The following AMPD3 variants were observed in gnomAD, a reference collection of about 807,000 sequenced individuals.
The protein encoded by AMPD3 is adenosine monophosphate deaminase 3.
AMPD3 carries 57 observed loss-of-function variants against 82.3 expected under a neutral mutation model. That is an observed-to-expected ratio of 0.69 (90% confidence interval 0.56 to 0.86). The LOEUF (loss-of-function observed/expected upper bound fraction) is 0.86. AMPD3 is among the 40% of genes least tolerant of loss of function. AMPD3 has a pLI of 0.00. For synonymous variants in AMPD3, 381 were observed against 394.7 expected, an observed-to-expected ratio of 0.97 and a Z score of 0.41; for missense variants, 870 against 1,003.8, an observed-to-expected ratio of 0.87 and a Z score of 1.80.
intron 2 of AMPD3, among the ~76,000 whole-genome samples, chr11:10,470,053 A>AG (rs1848543935): frequency 6.6e-6 from 1 of 151,960 alleles, no homozygotes; most frequent in Non-Finnish European, 1.5e-5. Context: ...AAAAAAAAAA[A>AG]AAAAGTCCTC....
At chr11:10,458,527 C>A (rs549919580) in intron 1 of AMPD3, among the ~76,000 whole-genome samples, 3 of 152,074 alleles carry the variant, frequency 2.0e-5, no homozygotes, top group Non-Finnish European at 2.9e-5. Context: ...ATTTTGACTG[C>A]GTGAATCTCT....
At chr11:10,469,349 C>T (rs530080934) in intron 2 of AMPD3, among the ~76,000 whole-genome samples, 5 of 152,228 alleles carry the variant, frequency 3.3e-5, no homozygotes, top group South Asian at 4.1e-4. Flanking sequence ...AGACTACCAT[C>T]GGAGAATACT....
chr11:10,455,980 A>C (rs1055418940), intron 1 of AMPD3: 2 of 985,224 alleles, frequency 2.0e-6, no homozygotes, highest in East Asian at 2.3e-4. Flanking sequence ...TGGGCGTTAG[A>C]GGGAGGCTGT....
In AMPD3 at chr11:10,456,062, C is replaced by G; in HGVS notation, c.-6+614C>G. On this transcript the variant is annotated intron_variant, in intron 1 of 14. Transcript: ENST00000396553. The surrounding 1 kb of genome is among the most constrained non-coding windows in gnomAD (Gnocchi z 4.3). ...AAGAGGAAGCCGCCGCTTTAGTTTCCTCTTGTGAGGGCTGTGAAGAGGGCC... is the reference window on the plus strand; with the variant it reads ...AAGAGGAAGCCGCCGCTTTAGTTTCGTCTTGTGAGGGCTGTGAAGAGGGCC... 1 of 1,084,414 alleles carries G rather than the reference C, an allele frequency of 9.2e-7. No individual in the cohort carries two copies. Among genetic ancestry groups the G allele is most frequent in the Non-Finnish European group, 1.1e-6 (1 of 892,754 alleles). The allele number at this position is 1,084,414 out of a possible 1,614,324, so 67.2% of individuals were successfully genotyped here.
intron 3 of AMPD3, 21 bp from the exon 4 acceptor site, chr11:10,482,042 C>G: frequency 6.2e-7 from 1 of 1,614,176 alleles, no homozygotes. Flanking sequence ...GAACCCTTTC[C>G]TGCCTGCCTC....
intron 11 of AMPD3, 50 bp downstream of exon 11, chr11:10,500,299 G>GCACGCATGCA: frequency 6.3e-7 from 1 of 1,574,912 alleles, no homozygotes. Context: ...GTTAGTACAT[G>GCACGCATGCA]CACGCATGCA....
rs961581096 is a variant in AMPD3 at position 10,461,800 on chromosome 11, G to A, written c.221+60G>A. The A allele has an allele frequency of 2.0e-6, 3 of 1,519,096 alleles. No individual in the cohort carries two copies. The Admixed American group carries it at 5.9e-5, about 30-fold the overall frequency. 94.1% of individuals were successfully genotyped at this position (1,519,096 alleles called of 1,614,324 possible). A position where few individuals can be genotyped will look rare whatever the true frequency, so the allele number is the denominator to read the frequency against. On this transcript the variant is annotated intron_variant, in intron 2 of 14. Transcript: ENST00000396553. ...AGTCATGCAGACCCAGGCAGGCTGT[G>A]GGTGTGTGTCCTGATATGAGGCACC...
At chr11:10,477,076 A>C in intron 2 of AMPD3, 2 of 985,476 alleles carry the variant, frequency 2.0e-6, no homozygotes, top group Non-Finnish European at 2.4e-6. Flanking sequence ...TAAACACGGG[A>C]GGAGAACTGT....
At chr11:10,460,413 T>TC (rs1381026578) in intron 1 of AMPD3, among the ~76,000 whole-genome samples, 1 of 150,230 alleles carries the variant, frequency 6.7e-6, no homozygotes, top group Non-Finnish European at 1.5e-5. Flanking sequence ...AGTATACTTT[T>TC]TTTTTTTTTT....
At chr11:10,468,973 T>C (rs1026112560) in intron 2 of AMPD3, among the ~76,000 whole-genome samples, 24 of 152,144 alleles carry the variant, frequency 1.6e-4, no homozygotes, top group African/African-American at 5.6e-4. Context: ...TACCAGAATC[T>C]CTGGGACACA....
At chr11:10,501,202 T>C in intron 11 of AMPD3, 1 of 985,344 alleles carries the variant, frequency 1.0e-6, no homozygotes, top group Non-Finnish European at 1.2e-6. Flanking sequence ...AGGAGAGGAA[T>C]TCAGGAGAGT....
At chr11:10,495,767 C>T (rs1425595732) in intron 9 of AMPD3, 34 bp downstream of exon 9, 2 of 1,612,954 alleles carry the variant, frequency 1.2e-6, no homozygotes, top group African/African-American at 1.3e-5. Context: ...ACCCTGTGCC[C>T]TACAGAGGTG....
chr11:10,478,447 C>T (rs925026242), intron 2 of AMPD3, 79 bp from the exon 3 acceptor site: 80 of 1,588,570 alleles, frequency 5.0e-5, no homozygotes, highest in South Asian at 6.6e-5. Context: ...TCTCCTGCCA[C>T]GCACACAGCA....
At chr11:10,493,132 G>T (rs980515994) in intron 6 of AMPD3, among the ~76,000 whole-genome samples, 5 of 152,174 alleles carry the variant, frequency 3.3e-5, no homozygotes, top group African/African-American at 9.7e-5. Flanking sequence ...AGATTTCCTG[G>T]TGCTGTAAGG....
At position 10,505,960 on chromosome 11, in the gene AMPD3, G is replaced by A. The variant is rs578207761; in HGVS notation, c.*76G>A. ...TGTGGCTAATAGTGGTCAAGATTCC[G>A]AACTAGGACTTTCCTCTGTGAAGAG... On this transcript the variant is annotated 3_prime_UTR_variant, in exon 15 of 15. Transcript: ENST00000396553. 1.5e-5 allele frequency: 24 copies of A among 1,551,348 alleles called. No homozygotes were observed. Among genetic ancestry groups the A allele is most frequent in the African/African-American group, 1.5e-4 (11 of 73,734 alleles).
rs1000267343 is a variant in AMPD3, at chr11:10,456,240, A to G, written c.-6+792A>G. 1.0e-5 allele frequency: 15 copies of G among 1,500,866 alleles called. No individual in the cohort carries two copies. In the Admixed American group the frequency reaches 2.7e-4, roughly 27 times the overall value. The allele number at this position is 1,500,866 out of a possible 1,614,324, so 93.0% of individuals were successfully genotyped here. A position where few individuals can be genotyped will look rare whatever the true frequency, so the allele number is the denominator to read the frequency against. ...TTCCTGCTCTGGCTCACTGCTGCTCACAGATATGCAAAACAGAGACCTCCT... is the reference window on the plus strand; with the variant it reads ...TTCCTGCTCTGGCTCACTGCTGCTCGCAGATATGCAAAACAGAGACCTCCT... On this transcript the variant is annotated intron_variant, in intron 1 of 14. Coordinates refer to ENST00000396553, the MANE Select transcript of AMPD3 (RefSeq NM_001025389.2). The surrounding 1 kb of genome is among the most constrained non-coding windows in gnomAD (Gnocchi z 4.3).
rs555939904 is a variant in AMPD3 at position 10,460,083 on chromosome 11, TTA to T, written c.-5-1416_-5-1415del. On this transcript the variant is annotated intron_variant, in intron 1 of 14. Transcript: ENST00000396553. Reference sequence around the variant, plus strand: ...ATATATATTATATATAATATATATTTTATATATATATATATATTTTATTTTTA... The same window carrying T: ...ATATATATTATATATAATATATATTTTATATATATATATATTTTATTTTTA... Among the ~76,000 whole-genome samples, 1,191 of 143,068 alleles carry T rather than the reference TTA, an allele frequency of 8.3e-3. 11 individuals carry two copies. The highest frequency in any genetic ancestry group is 0.028 in the African/African-American group (1,083 of 38,774). The allele number at this position is 143,068 out of a possible 152,430, so 93.9% of individuals were successfully genotyped here. A position where few individuals can be genotyped will look rare whatever the true frequency, so the allele number is the denominator to read the frequency against.
intron 1 of AMPD3, 200 bp from the exon 2 acceptor site, chr11:10,461,315 A>G (rs910036380): frequency 1.3e-6 from 2 of 1,566,940 alleles, no homozygotes. Flanking sequence ...CCTGACACCT[A>G]AGTGGCCCTA....
Position 10,499,953 on chromosome 11 carries a change from G to A in AMPD3, c.1558-133G>A, listed in dbSNP as rs569331311. ...GGAATATGGCCTCAGGCAGGCCAAG[G>A]GGTCCCCAGCTGAGGTGTGAACCTG... On this transcript the variant is annotated intron_variant, in intron 10 of 14. Transcript: ENST00000396553. 6.6e-6 allele frequency: 10 copies of A among 1,522,426 alleles called. 1 individual carries two copies. The South Asian group carries it at 7.3e-5, about 11-fold the overall frequency. The allele number at this position is 1,522,426 out of a possible 1,614,324, so 94.3% of individuals were successfully genotyped here. A position where few individuals can be genotyped will look rare whatever the true frequency, so the allele number is the denominator to read the frequency against.
Sources: allele counts gnomAD v4.1 joint callset (sites outside exome capture counted in the v4.1 genomes callset), GRCh38; gene constraint gnomAD v4.1.1; non-coding constraint Gnocchi (gnomAD v3.1); transcripts MANE v1.5; gene names NCBI Gene and HGNC (gene_info 2026-07-23, HGNC 2026-07-21).